The following PTPRD variants were observed in gnomAD, a reference collection of about 807,000 sequenced individuals.
The protein encoded by PTPRD is receptor-type tyrosine-protein phosphatase delta.
A neutral mutation model predicts 214.5 loss-of-function variants in PTPRD; 34 were observed. That is an observed-to-expected ratio of 0.16 (90% CI 0.12 to 0.21). The LOEUF is 0.21. PTPRD is among the 10% of genes least tolerant of loss of function. The pLI is 1.00. For missense variants in PTPRD, 2,545 were observed against 2,398.7 expected, an observed-to-expected ratio of 1.06 and a Z score of -1.27; for synonymous variants, 1,128 against 845.7, an observed-to-expected ratio of 1.33 and a Z score of -5.79.
At chr9:10,267,319 G>A (rs1233137548) in intron 3 of PTPRD, among the ~76,000 whole-genome samples, 1 of 152,136 alleles carries the variant, frequency 6.6e-6, no homozygotes, top group African/African-American at 2.4e-5. Context: ...TAGGCACTTA[G>A]TATCTCAGGA....
intron 3 of PTPRD, among the ~76,000 whole-genome samples, chr9:10,207,194 T>C (rs1333378118): frequency 1.3e-5 from 2 of 152,140 alleles, no homozygotes; most frequent in Non-Finnish European, 2.9e-5. Flanking sequence ...CATAAGAAAT[T>C]ACACATCTAA....
At chr9:10,398,532 C>T (rs2098215183) in intron 2 of PTPRD, among the ~76,000 whole-genome samples, 1 of 151,846 alleles carries the variant, frequency 6.6e-6, no homozygotes, top group Non-Finnish European at 1.5e-5. Context: ...TGAAGACTTC[C>T]AAACTTTATA....
chr9:8,643,874 C>G (rs917515194), intron 12 of PTPRD, among the ~76,000 whole-genome samples: 4 of 152,272 alleles, frequency 2.6e-5, no homozygotes, highest in African/African-American at 9.6e-5. Flanking sequence ...CAGACAGGCT[C>G]CTGGGCAGAA....
chr9:8,433,488 G>A (rs978165231), intron 35 of PTPRD, among the ~76,000 whole-genome samples: 2 of 152,158 alleles, frequency 1.3e-5, no homozygotes, highest in African/African-American at 2.4e-5. Flanking sequence ...GGAGATGACA[G>A]CTCCAGGCTG....
chr9:8,389,745 T>C (rs761112277), intron 36 of PTPRD, among the ~76,000 whole-genome samples: 2 of 152,190 alleles, frequency 1.3e-5, no homozygotes, highest in Non-Finnish European at 2.9e-5. Context: ...TCTGGTAACA[T>C]TCCTCACCCA....
intron 9 of PTPRD, among the ~76,000 whole-genome samples, chr9:9,285,054 T>C (rs1008663762): frequency 1.3e-5 from 2 of 151,758 alleles, no homozygotes; most frequent in Non-Finnish European, 2.9e-5. Flanking sequence ...AAAAATAACA[T>C]TCCATTTCAT....
intron 5 of PTPRD, among the ~76,000 whole-genome samples, chr9:9,808,485 C>T (rs1208637748): frequency 6.6e-6 from 1 of 152,066 alleles, no homozygotes; most frequent in African/African-American, 2.4e-5. Context: ...AAAATATCAC[C>T]ACCGTACCCG....
At chr9:9,315,760 G>C (rs370646962) in intron 9 of PTPRD, among the ~76,000 whole-genome samples, 3 of 147,606 alleles carry the variant, frequency 2.0e-5, no homozygotes, top group African/African-American at 4.9e-5. Flanking sequence ...CTAGAAACAA[G>C]TTGAATCTGG....
intron 4 of PTPRD, among the ~76,000 whole-genome samples, chr9:9,981,498 G>A (rs2095542211): frequency 2.0e-5 from 3 of 151,534 alleles, no homozygotes; most frequent in Admixed American, 2.0e-4. Context: ...GGGACTACAG[G>A]TGCCCGCCAC....
chr9:9,780,520 T>C (rs2098834921), intron 5 of PTPRD, among the ~76,000 whole-genome samples: 1 of 152,194 alleles, frequency 6.6e-6, no homozygotes, highest in South Asian at 2.1e-4. Context: ...TCATATATCA[T>C]TGGTAACAAA....
intron 2 of PTPRD, among the ~76,000 whole-genome samples, chr9:10,375,807 G>A (rs1010829359): frequency 2.6e-5 from 4 of 151,934 alleles, no homozygotes; most frequent in Non-Finnish European, 4.4e-5. Context: ...ATTCTCTTCA[G>A]AATAAGAGAT....
intron 2 of PTPRD, among the ~76,000 whole-genome samples, chr9:10,450,687 G>A (rs779062377): frequency 6.6e-5 from 10 of 151,810 alleles, no homozygotes; most frequent in Admixed American, 1.3e-4. Context: ...TCCTCAGTCC[G>A]TGCACTGATC....
At chr9:9,878,287 T>C (rs1416432555) in intron 5 of PTPRD, among the ~76,000 whole-genome samples, 2 of 152,196 alleles carry the variant, frequency 1.3e-5, no homozygotes, top group Non-Finnish European at 2.9e-5. Context: ...TCATGCTAGA[T>C]ATTATATGCT....
At chr9:10,114,076 C>G (rs74359661) in intron 3 of PTPRD, among the ~76,000 whole-genome samples, 2,938 of 152,260 alleles carry the variant, frequency 0.019, 46 homozygotes, top group South Asian at 0.035. Context: ...GCAGATGGTT[C>G]TCAGTCCCAC....
At chr9:9,136,337 C>T (rs1433393270) in intron 10 of PTPRD, among the ~76,000 whole-genome samples, 10 of 152,016 alleles carry the variant, frequency 6.6e-5, no homozygotes, top group Admixed American at 6.6e-4. Flanking sequence ...TGGTAGCATT[C>T]TATAAAACAT....
chr9:8,810,254 C>A (rs1166532955), intron 11 of PTPRD, among the ~76,000 whole-genome samples: 1 of 151,924 alleles, frequency 6.6e-6, no homozygotes, highest in African/African-American at 2.4e-5. Context: ...CTATTGCACA[C>A]AAAAAAAATC....
intron 2 of PTPRD, among the ~76,000 whole-genome samples, chr9:10,543,340 T>C (rs1590469510): frequency 6.6e-6 from 1 of 152,256 alleles, no homozygotes; most frequent in Non-Finnish European, 1.5e-5. Context: ...TTTATAACAA[T>C]CTAATTAAAA....
At chr9:8,529,323 T>A (rs927049901) in intron 14 of PTPRD, among the ~76,000 whole-genome samples, 17 of 152,086 alleles carry the variant, frequency 1.1e-4, no homozygotes, top group Non-Finnish European at 2.9e-5. Context: ...ATGTTTTTCT[T>A]ATAACTCTGT....
At chr9:9,857,864 GA>G (rs1388226138) in intron 5 of PTPRD, among the ~76,000 whole-genome samples, 57 of 152,188 alleles carry the variant, frequency 3.7e-4, no homozygotes, top group African/African-American at 1.3e-3. Context: ...TGAAGAAAGA[GA>G]ACATTAATAT....
Sources: gnomAD v4.1 joint callset for allele counts (sites outside exome capture counted in the v4.1 genomes callset) on GRCh38, gnomAD v4.1.1 for gene constraint, MANE v1.5 for transcripts, NCBI Gene and HGNC (gene_info 2026-07-23, HGNC 2026-07-21) for gene names.